The following ZFHX3 variants were observed in gnomAD, a reference collection of about 807,000 sequenced individuals.
ZFHX3 encodes the protein zinc finger homeobox 3, also known as zinc finger homeobox protein 3.
In ZFHX3, 42 loss-of-function variants were observed where a neutral mutation model predicts 279.1. The observed-to-expected ratio is 0.15, with a 90% CI of 0.12 to 0.19. The LOEUF (loss-of-function observed/expected upper bound fraction) is 0.19, where lower values mean the gene tolerates loss of function less well. Among genes scored for constraint, ZFHX3 ranks in the 10% least tolerant of loss-of-function variants. The pLI, the probability that ZFHX3 is intolerant of heterozygous loss-of-function variation, is 1.00. For missense variants in ZFHX3, 4,981 were observed against 4,754.0 expected, an observed-to-expected ratio of 1.05 and a Z score of -1.40; for synonymous variants, 2,293 against 1,957.8, an observed-to-expected ratio of 1.17 and a Z score of -4.52.
At chr16:72,860,576 A>G (rs565911308) in intron 4 of ZFHX3, among the ~76,000 whole-genome samples, 1 of 152,226 alleles carries the variant, frequency 6.6e-6, no homozygotes, top group South Asian at 2.1e-4. Flanking sequence ...GACTACAGGC[A>G]TGCACCACCA....
chr16:73,694,462 C>T (rs2053177003), intron 1 of ZFHX3, among the ~76,000 whole-genome samples: 1 of 151,980 alleles, frequency 6.6e-6, no homozygotes, highest in Non-Finnish European at 1.5e-5. Context: ...TTCTGCCTCA[C>T]CCTCCTGAGT....
At chr16:73,241,027 C>G (rs1319081124) in intron 5 of ZFHX3, among the ~76,000 whole-genome samples, 1 of 152,114 alleles carries the variant, frequency 6.6e-6, no homozygotes, top group Non-Finnish European at 1.5e-5. Context: ...TGGGGTGGTG[C>G]ATTTTTCTCA....
chr16:73,633,702 C>T (rs1341424815), intron 2 of ZFHX3, among the ~76,000 whole-genome samples: 2 of 152,084 alleles, frequency 1.3e-5, no homozygotes, highest in Non-Finnish European at 2.9e-5. Context: ...TTCAGAGTAT[C>T]AGGAACATGC....
At chr16:73,888,286 T>C (rs1047409247) in intron 1 of ZFHX3, among the ~76,000 whole-genome samples, 7 of 152,030 alleles carry the variant, frequency 4.6e-5, no homozygotes, top group African/African-American at 1.7e-4. Flanking sequence ...ATTCATTCAT[T>C]ATCCTTTTTC....
chr16:73,840,076 G>C (rs138673349), intron 1 of ZFHX3, among the ~76,000 whole-genome samples: 101 of 152,236 alleles, frequency 6.6e-4, no homozygotes, highest in East Asian at 5.0e-3. Context: ...CTTTGTCTCT[G>C]CACACCCAGC....
In ZFHX3 at chr16:73,069,460, G is replaced by A. The variant is rs74470548; in HGVS notation, c.-532-10448C>T. The stretch of plus-strand genomic sequence containing the variant: ...CTATATTCTGCCAGCTCACGTGTCC[G>A]TCTACAGAATCGTGCACACCCAAAT... On this transcript the variant is annotated intron_variant, in intron 8 of 17. Coordinates refer to the ZFHX3 transcript ENST00000641206. Among the ~76,000 whole-genome samples the A allele has an allele frequency of 2.9e-3, 445 of 152,242 alleles. 1 individual carries two copies. Among genetic ancestry groups the A allele is most frequent in the South Asian group, 4.6e-3 (22 of 4,822 alleles).
chr16:73,446,719 A>G (rs896319616), intron 3 of ZFHX3, among the ~76,000 whole-genome samples: 2 of 152,178 alleles, frequency 1.3e-5, no homozygotes, highest in African/African-American at 4.8e-5. Flanking sequence ...AACAACATAT[A>G]CTGGGGCCTA....
chr16:73,102,500 C>T (rs1406633934), intron 7 of ZFHX3, among the ~76,000 whole-genome samples: 1 of 152,124 alleles, frequency 6.6e-6, no homozygotes, highest in African/African-American at 2.4e-5. Context: ...TTGAATTGAA[C>T]AGGTGAATTT....
chr16:73,164,024 A>T (rs1489316834), intron 5 of ZFHX3, among the ~76,000 whole-genome samples: 4 of 152,136 alleles, frequency 2.6e-5, no homozygotes, highest in Admixed American at 2.6e-4. Flanking sequence ...GTAGGTGGAA[A>T]GCCTTGTAGA....
At chr16:73,249,157 A>T (rs1008125851) in intron 5 of ZFHX3, among the ~76,000 whole-genome samples, 11 of 152,182 alleles carry the variant, frequency 7.2e-5, no homozygotes, top group Non-Finnish European at 7.3e-5. Context: ...TTTTCAGTGG[A>T]TGTATGGGGA....
At chr16:73,772,807 T>C (rs754025796) in intron 1 of ZFHX3, among the ~76,000 whole-genome samples, 2 of 152,204 alleles carry the variant, frequency 1.3e-5, no homozygotes, top group Non-Finnish European at 2.9e-5. Flanking sequence ...TGTCACTAAA[T>C]ACATATGCAT....
rs565345260 is a variant in ZFHX3 at position 73,734,499 on chromosome 16, G to C, written c.-1607-54259C>G. Among the ~76,000 whole-genome samples the C allele has an allele frequency of 5.9e-4, 89 of 152,132 alleles. 1 individual carries two copies. The South Asian group carries it at 0.018, about 31-fold the overall frequency. ...TTCCCTGAATGACAGCAATAAGATA[G>C]TATCTGTAAAAATATTTTGGCTGAA... On this transcript the variant is annotated intron_variant, in intron 1 of 17. Transcript: ENST00000641206.
At chr16:73,796,897 G>A (rs1960007510) in intron 1 of ZFHX3, among the ~76,000 whole-genome samples, 1 of 152,166 alleles carries the variant, frequency 6.6e-6, no homozygotes, top group Admixed American at 6.5e-5. Context: ...CCAGGCTGAA[G>A]AAATGTTATG....
intron 1 of ZFHX3, among the ~76,000 whole-genome samples, chr16:73,885,440 T>G (rs2142417922): frequency 6.6e-6 from 1 of 152,314 alleles, no homozygotes; most frequent in Admixed American, 6.5e-5. Flanking sequence ...TGCATTATAC[T>G]TATATAATTC....
In ZFHX3 at chr16:73,256,544, A is replaced by G. The variant is rs184379837; in HGVS notation, c.-1104+503T>C. Among the ~76,000 whole-genome samples, 97 of 152,270 alleles carry G rather than the reference A, an allele frequency of 6.4e-4. 1 individual carries two copies. In the East Asian group the frequency reaches 0.018, roughly 28 times the overall value. ...GAGATTCTGACTTGGTAGATCTGGG[A>G]TGAGGAAGTTTTTAGCAGGCACTCC... On this transcript the variant is annotated intron_variant, in intron 5 of 17. Transcript: ENST00000641206.
intron 3 of ZFHX3, among the ~76,000 whole-genome samples, chr16:72,935,790 T>TA (rs1416395673): frequency 1.3e-5 from 2 of 151,184 alleles, no homozygotes; most frequent in African/African-American, 4.9e-5. Flanking sequence ...CACTTGCTGA[T>TA]AGTCTACCTA....
intron 5 of ZFHX3, among the ~76,000 whole-genome samples, chr16:73,241,116 C>T (rs1187598100): frequency 1.3e-5 from 2 of 152,204 alleles, no homozygotes; most frequent in East Asian, 3.9e-4. Flanking sequence ...TGAAGGACCT[C>T]CCGCTGTTTA....
intron 3 of ZFHX3, among the ~76,000 whole-genome samples, chr16:72,906,444 C>T (rs2039174169): frequency 6.6e-6 from 1 of 151,906 alleles, no homozygotes. Context: ...GTTTACAAAA[C>T]CTTCTGGAGA....
chr16:72,783,639 T>G lies in ZFHX3; in HGVS notation c.*3525A>C, dbSNP rs1246656212. 3 of 147,732 alleles carry G rather than the reference T, an allele frequency of 2.0e-5. No homozygotes were observed. The highest frequency in any genetic ancestry group is 2.0e-4 in the Admixed American group (3 of 14,928). 9.2% of individuals were successfully genotyped at this position (147,732 alleles called of 1,614,324 possible). A position where few individuals can be genotyped will look rare whatever the true frequency, so the allele number is the denominator to read the frequency against. On this transcript the variant is annotated 3_prime_UTR_variant, in exon 10 of 10. Transcript: ENST00000268489. ...AATTTTTCCTTGTGTAGATATGTGG[T>G]TTTTGGAAGGATGGAGGAAAGATGG...
Sources: allele counts gnomAD v4.1 joint callset (sites outside exome capture counted in the v4.1 genomes callset), GRCh38; gene constraint gnomAD v4.1.1; transcripts MANE v1.5; gene names NCBI Gene and HGNC (gene_info 2026-07-23, HGNC 2026-07-21).